Variants in FAF1 observed in about 807,000 individuals in gnomAD.
FAF1 encodes Fas associated factor 1.
A neutral mutation model predicts 92.5 loss-of-function variants in FAF1; 25 were observed. The ratio of observed to expected loss-of-function variants is 0.27; its 90% CI spans 0.20 to 0.38. The LOEUF (loss-of-function observed/expected upper bound fraction) is 0.38, where lower values mean the gene tolerates loss of function less well. FAF1 is among the 10% of genes least tolerant of loss of function. The pLI is 1.00. For synonymous variants in FAF1, 234 were observed against 273.2 expected (o/e 0.86, Z 1.42); for missense variants, 636 against 793.3 (o/e 0.80, Z 2.38).
chr1:50,725,589 G>C (rs1658615394), intron 6 of FAF1, among the ~76,000 whole-genome samples: 1 of 152,084 alleles, frequency 6.6e-6, no homozygotes, highest in Non-Finnish European at 1.5e-5. Flanking sequence ...ACGAGTAGCT[G>C]GGATTACAGG....
At chr1:50,460,550 T>C (rs78885842) in intron 18 of FAF1, among the ~76,000 whole-genome samples, 1 of 152,150 alleles carries the variant, frequency 6.6e-6, no homozygotes, top group Admixed American at 6.6e-5. Flanking sequence ...CAACAGTATA[T>C]ATTAATGTGT....
At chr1:50,704,758 A>G (rs982444681) in intron 7 of FAF1, among the ~76,000 whole-genome samples, 2 of 152,186 alleles carry the variant, frequency 1.3e-5, no homozygotes, top group African/African-American at 4.8e-5. Flanking sequence ...TAGTTTCTAG[A>G]GTCAACAAAC....
At chr1:50,848,074 T>C (rs1644317317) in intron 2 of FAF1, among the ~76,000 whole-genome samples, 1 of 152,128 alleles carries the variant, frequency 6.6e-6, no homozygotes, top group South Asian at 2.1e-4. Context: ...AAATGTACTC[T>C]ACAAGAAATG....
chr1:50,736,934 AT>A (rs1659164931), intron 6 of FAF1, among the ~76,000 whole-genome samples: 1 of 152,172 alleles, frequency 6.6e-6, no homozygotes, highest in Non-Finnish European at 1.5e-5. Flanking sequence ...TATTTTAAAA[AT>A]CTCTAGTTTT....
At chr1:50,575,239 T>C (rs1023567356) in intron 12 of FAF1, among the ~76,000 whole-genome samples, 4 of 152,314 alleles carry the variant, frequency 2.6e-5, no homozygotes, top group African/African-American at 4.8e-5. Context: ...CTAGTAAGTT[T>C]TGAACTAATT....
chr1:50,499,017 T>C (rs921842058), intron 15 of FAF1, among the ~76,000 whole-genome samples: 7 of 152,324 alleles, frequency 4.6e-5, no homozygotes, highest in Non-Finnish European at 1.5e-5. Flanking sequence ...ATATGGTATA[T>C]ACCTACAGTG....
chr1:50,602,333 A>T (rs1652179371), intron 8 of FAF1, among the ~76,000 whole-genome samples: 1 of 152,204 alleles, frequency 6.6e-6, no homozygotes, highest in Non-Finnish European at 1.5e-5. Context: ...ACCGGATATT[A>T]GCACTGACTA....
intron 1 of FAF1, among the ~76,000 whole-genome samples, chr1:50,936,337 T>C (rs969991772): frequency 6.6e-6 from 1 of 152,194 alleles, no homozygotes; most frequent in Non-Finnish European, 1.5e-5. Context: ...CAGATCTATT[T>C]TTTTAAAAAA....
chr1:50,441,214 T>G lies in FAF1; in HGVS notation c.*226A>C. 1 of 431,012 alleles carries G rather than the reference T, an allele frequency of 2.3e-6. No individual in the cohort carries two copies. 26.7% of individuals were successfully genotyped at this position (431,012 alleles called of 1,614,324 possible). A position where few individuals can be genotyped will look rare whatever the true frequency, so the allele number is the denominator to read the frequency against. ...GTGAAGTGCAGGGGGTAGGGGAGGG[T>G]GGCAGAGTTGTAATTCTCTGTAATA... is the stretch of plus-strand genomic sequence containing the variant. On this transcript the variant is annotated 3_prime_UTR_variant, in exon 19 of 19. Transcript: ENST00000396153.
chr1:50,864,718 A>C (rs956914349), intron 1 of FAF1, among the ~76,000 whole-genome samples: 8 of 152,170 alleles, frequency 5.3e-5, no homozygotes, highest in South Asian at 2.1e-4. Flanking sequence ...TAAACGTTAG[A>C]TCTAAAACCA....
chr1:50,468,459 ATT>A lies in FAF1; in HGVS notation c.1869+7003_1869+7004del, dbSNP rs370937786. 2.0e-4 allele frequency among the ~76,000 whole-genome samples: 26 copies of A among 130,686 alleles called. 2 individuals carry two copies. The highest frequency in any genetic ancestry group is 2.1e-4 in the African/African-American group (7 of 32,890). The allele number at this position is 130,686 out of a possible 152,430, so 85.7% of individuals were successfully genotyped here. A position where few individuals can be genotyped will look rare whatever the true frequency, so the allele number is the denominator to read the frequency against. On this transcript the variant is annotated intron_variant, in intron 18 of 18. Coordinates refer to ENST00000396153, the MANE Select transcript of FAF1 (RefSeq NM_007051.3). ...AGGTGCACGCCACTACACTTGGCTAATTTTTTTTTTTTTTTTTTGAGATGGAG... is the reference window on the plus strand; with the variant it reads ...AGGTGCACGCCACTACACTTGGCTAATTTTTTTTTTTTTTTTGAGATGGAG...
chr1:50,916,849 T>G (rs1275470091), intron 1 of FAF1, among the ~76,000 whole-genome samples: 1 of 152,202 alleles, frequency 6.6e-6, no homozygotes, highest in Non-Finnish European at 1.5e-5. Flanking sequence ...TATCCATTCA[T>G]GGATTAGAAG....
At chr1:50,770,946 A>AT (rs1264113227) in intron 4 of FAF1, among the ~76,000 whole-genome samples, 1 of 152,206 alleles carries the variant, frequency 6.6e-6, no homozygotes, top group African/African-American at 2.4e-5. Context: ...CCCAGAAATA[A>AT]TGCTGCACAT....
rs1336672355 is a variant in FAF1, at chr1:50,487,261, T to C, written c.1653+3327A>G. Among the ~76,000 whole-genome samples the C allele has an allele frequency of 2.0e-5, 3 of 152,206 alleles. No individual in the cohort carries two copies. The East Asian group carries it at 5.8e-4, about 29-fold the overall frequency. ...TCTGATGTTACGCACAAAGTAAAACTTGTAAACTATCATATTTTCCTTTGT... is the reference window on the plus strand; with the variant it reads ...TCTGATGTTACGCACAAAGTAAAACCTGTAAACTATCATATTTTCCTTTGT... On this transcript the variant is annotated intron_variant, in intron 17 of 18. Coordinates refer to ENST00000396153, the MANE Select transcript of FAF1 (RefSeq NM_007051.3).
intron 1 of FAF1, among the ~76,000 whole-genome samples, chr1:50,870,995 T>A (rs1288190042): frequency 1.3e-5 from 2 of 152,228 alleles, no homozygotes. Flanking sequence ...AAATTACGTG[T>A]TACTCTAGTG....
At chr1:50,835,579 A>AT (rs1354356315) in intron 2 of FAF1, among the ~76,000 whole-genome samples, 1 of 133,380 alleles carries the variant, frequency 7.5e-6, no homozygotes, top group African/African-American at 2.8e-5. Flanking sequence ...TCAAAAAAAA[A>AT]AAAAAAAAAA....
In FAF1 at chr1:50,626,739, C is replaced by T. The variant is rs377098040; in HGVS notation, c.744+28703G>A. Among the ~76,000 whole-genome samples, 13 of 152,086 alleles carry T rather than the reference C, an allele frequency of 8.5e-5. 1 individual carries two copies. In the East Asian group the frequency reaches 1.4e-3, roughly 16 times the overall value. On this transcript the variant is annotated intron_variant, in intron 8 of 18. Transcript: ENST00000396153. ...TAAAAAGTGTTATTCTGATATAGTA[C>T]GGAGAGTTGATTGAGGGGAAGTGAG...
intron 4 of FAF1, among the ~76,000 whole-genome samples, chr1:50,763,109 T>A (rs1321673736): frequency 1.3e-5 from 2 of 151,906 alleles, no homozygotes; most frequent in African/African-American, 4.8e-5. Flanking sequence ...ACAAAAAAAT[T>A]AGCTGGGGCA....
chr1:50,742,028 G>A (rs1482447017), intron 5 of FAF1, among the ~76,000 whole-genome samples: 1 of 152,134 alleles, frequency 6.6e-6, no homozygotes, highest in Non-Finnish European at 1.5e-5. Flanking sequence ...AGTAACTGAG[G>A]CTGGGTGCCA....
Sources: allele counts gnomAD v4.1 joint callset (sites outside exome capture counted in the v4.1 genomes callset), GRCh38; gene constraint gnomAD v4.1.1; transcripts MANE v1.5; gene names NCBI Gene and HGNC (gene_info 2026-07-23, HGNC 2026-07-21).